Variants in AMMECR1L observed in about 807,000 individuals in gnomAD.
AMMECR1L encodes the protein AMMECR1-like protein.
A neutral mutation model predicts 36.8 loss-of-function variants in AMMECR1L; 4 were observed. That is an observed-to-expected ratio of 0.11 (90% CI 0.05 to 0.25). The LOEUF (loss-of-function observed/expected upper bound fraction) is 0.25. AMMECR1L is among the 10% of genes least tolerant of loss of function. The pLI is 1.00. For synonymous variants in AMMECR1L, 147 were observed against 148.0 expected, an observed-to-expected ratio of 0.99 and a Z score of 0.05; for missense variants, 232 against 392.1, an observed-to-expected ratio of 0.59 and a Z score of 3.45.
rs751977987 is a variant in AMMECR1L, at chr2:127,873,864, G to A, written c.371C>T (p.Pro124Leu). The A allele has an allele frequency of 1.2e-6, 2 of 1,614,162 alleles. No individual in the cohort carries two copies. Among genetic ancestry groups the A allele is most frequent in the Non-Finnish European group, 1.7e-6 (2 of 1,180,034 alleles). Residue 124 changes from proline to leucine, a missense_variant, in exon 3 of 8, where the codon CCA (proline) becomes CTA (leucine). Pro to Leu is a moderately conservative substitution (Grantham distance 98). Around this residue, in one of 3 missense-constraint regions of AMMECR1L, gnomAD observed 83 missense variants for 229.5 expected, o/e 0.36. Transcript: ENST00000272647. This position sits in a 1 kb window ranked among gnomAD's most constrained non-coding sequence, Gnocchi z 5.2. Reference sequence around the variant, plus strand: ...GGTGAATCTAGGAAGTCGTGGCTGTGGGAAGCCATAGAGGTGACAGTAGAG... The same window carrying A: ...GGTGAATCTAGGAAGTCGTGGCTGTAGGAAGCCATAGAGGTGACAGTAGAG... ...DVLYCHLYGF[P>L]QPRLPRFTND...
At chr2:127,867,378 T>C in intron 6 of AMMECR1L, 2 of 859,102 alleles carry the variant, frequency 2.3e-6, no homozygotes, top group Middle Eastern at 6.0e-4. Flanking sequence ...TTCTGCAACT[T>C]ATATTCCTTT....
chr2:127,872,690 G>C (rs1691041217), intron 3 of AMMECR1L, among the ~76,000 whole-genome samples: 1 of 152,104 alleles, frequency 6.6e-6, no homozygotes, highest in Non-Finnish European at 1.5e-5. Context: ...TTCAAGACAA[G>C]GCCTCCATTG....
chr2:127,880,773 TACACACACAC>T (rs56950354), intron 2 of AMMECR1L, among the ~76,000 whole-genome samples: 3 of 149,008 alleles, frequency 2.0e-5, no homozygotes, highest in South Asian at 2.2e-4. Context: ...ACATACAGTA[TACACACACAC>T]ACACACACAC....
chr2:127,878,530 C>T (rs1360875556), intron 2 of AMMECR1L, among the ~76,000 whole-genome samples: 1 of 152,252 alleles, frequency 6.6e-6, no homozygotes, highest in African/African-American at 2.4e-5. Flanking sequence ...CAGACATTCT[C>T]TTCCAGGTGG....
chr2:127,868,265 C>T (rs1690788770), intron 6 of AMMECR1L, among the ~76,000 whole-genome samples: 1 of 152,172 alleles, frequency 6.6e-6, no homozygotes, highest in Non-Finnish European at 1.5e-5. Context: ...ATTTTTCCAA[C>T]CAACTTTCAA....
At position 127,863,703 on chromosome 2, in the gene AMMECR1L, C is replaced by T. The variant is rs1243362853; in HGVS notation, c.*1391G>A. 1 of 152,640 alleles carries T rather than the reference C, an allele frequency of 6.6e-6. No individual in the cohort carries two copies. The highest frequency in any genetic ancestry group is 1.5e-5 in the Non-Finnish European group (1 of 68,038). 9.5% of individuals were successfully genotyped at this position (152,640 alleles called of 1,614,324 possible). A position where few individuals can be genotyped will look rare whatever the true frequency, so the allele number is the denominator to read the frequency against. On this transcript the variant is annotated 3_prime_UTR_variant, in exon 8 of 8. Transcript: ENST00000272647. ...TGTCACATCCTTAGGATCCTTCTTC[C>T]AACTGGCCACTCTCCCTGTGAATCA...
chr2:127,874,240 T>G lies in AMMECR1L; in HGVS notation c.-6A>C, dbSNP rs201727413. 57 of 1,613,928 alleles carry G rather than the reference T, an allele frequency of 3.5e-5. No homozygotes were observed. The highest frequency in any genetic ancestry group is 2.7e-5 in the Non-Finnish European group (32 of 1,179,984). On this transcript the variant is annotated 5_prime_UTR_variant, in exon 3 of 8. Transcript: ENST00000272647. The surrounding 1 kb of genome is among the most constrained non-coding windows in gnomAD (Gnocchi z 5.2). ...ACACAACGTCTTTTTCCCATCCTGATTCAGTGCTCAAGGTCTGGAATGCTG... is the reference window on the plus strand; with the variant it reads ...ACACAACGTCTTTTTCCCATCCTGAGTCAGTGCTCAAGGTCTGGAATGCTG...
Position 127,867,021 on chromosome 2 carries a change from A to T in AMMECR1L, c.725-25T>A, listed in dbSNP as rs199708077. 2.5e-4 allele frequency: 406 copies of T among 1,613,152 alleles called. 2 individuals carry two copies. Among genetic ancestry groups the T allele is most frequent in the Non-Finnish European group, 4.8e-5 (57 of 1,179,180 alleles). On this transcript the variant is annotated intron_variant, in intron 6 of 7. Transcript: ENST00000272647. ...TCTGGGGAGGAGAAAGGCCACACTGAGGTCAATGCACATGCAAGAGTAAGG... is the reference window on the plus strand; with the variant it reads ...TCTGGGGAGGAGAAAGGCCACACTGTGGTCAATGCACATGCAAGAGTAAGG...
rs1690564968 is a variant in AMMECR1L, at chr2:127,863,739, G to A, written c.*1355C>T. 2 of 152,638 alleles carry A rather than the reference G, an allele frequency of 1.3e-5. No individual in the cohort carries two copies. The highest frequency in any genetic ancestry group is 6.5e-5 in the Admixed American group (1 of 15,288). The allele number at this position is 152,638 out of a possible 1,614,324, so 9.5% of individuals were successfully genotyped here. ...TCTCCCTGTGAATCATTTTAGCAGT[G>A]CCTTTGTAACAATATTTTCAAAGCA... is the stretch of plus-strand genomic sequence containing the variant. On this transcript the variant is annotated 3_prime_UTR_variant, in exon 8 of 8. Transcript: ENST00000272647.
Position 127,865,013 on chromosome 2 carries a change from C to A in AMMECR1L, c.*81G>T. 1.1e-6 allele frequency: 1 copy of A among 929,996 alleles called. No homozygotes were observed. Among genetic ancestry groups the A allele is most frequent in the East Asian group, 2.6e-5 (1 of 38,960 alleles). The allele number at this position is 929,996 out of a possible 1,614,324, so 57.6% of individuals were successfully genotyped here. On this transcript the variant is annotated 3_prime_UTR_variant, in exon 8 of 8. Transcript: ENST00000272647. This position sits in a 1 kb window ranked among gnomAD's most constrained non-coding sequence, Gnocchi z 5.4. ...GGTGCAGTAATAGAAGTAACTGGAC[C>A]AGGAAGAGGAGGCATCTGCTCCAAT... is the stretch of plus-strand genomic sequence containing the variant.
At chr2:127,885,549 G>A (rs1691731939) in intron 1 of AMMECR1L, 8 of 982,258 alleles carry the variant, frequency 8.1e-6, no homozygotes, top group South Asian at 4.7e-5. Context: ...CTCGCGGCCC[G>A]GGGCACGGCG....
Position 127,873,869 on chromosome 2 carries a change from G to A in AMMECR1L, c.366C>T (p.Gly122=). ...ATCTAGGAAGTCGTGGCTGTGGGAA[G>A]CCATAGAGGTGACAGTAGAGTACGT... ...CFDVLYCHLY[G]FPQPRLPRFT... Residue 122 remains glycine (G), a synonymous_variant, in exon 3 of 8, where the codon GGC becomes GGT. Coordinates refer to ENST00000272647, the MANE Select transcript of AMMECR1L (RefSeq NM_001199140.2). This position sits in a 1 kb window ranked among gnomAD's most constrained non-coding sequence, Gnocchi z 5.2. The A allele has an allele frequency of 6.2e-7, 1 of 1,614,204 alleles. No individual in the cohort carries two copies.
intron 6 of AMMECR1L, 60 bp from the exon 7 acceptor site, chr2:127,867,056 A>C (rs1573536439): frequency 1.2e-6 from 2 of 1,607,004 alleles, no homozygotes; most frequent in East Asian, 2.2e-5. Flanking sequence ...GCATGCTCTC[A>C]CATGGCCCGT....
In AMMECR1L at chr2:127,865,070, T is replaced by G. The variant is rs1573532939; in HGVS notation, c.*24A>C. The G allele has an allele frequency of 6.4e-7, 1 of 1,570,372 alleles. No individual in the cohort carries two copies. Among genetic ancestry groups the G allele is most frequent in the Non-Finnish European group, 8.7e-7 (1 of 1,144,634 alleles). On this transcript the variant is annotated 3_prime_UTR_variant, in exon 8 of 8. Coordinates refer to ENST00000272647, the MANE Select transcript of AMMECR1L (RefSeq NM_001199140.2). The surrounding 1 kb of genome is among the most constrained non-coding windows in gnomAD (Gnocchi z 5.4). ...ATAGCCATTGGTGGCCACGGGGGGG[T>G]GGGACTGGTCATGCAGCCGTGTGTC... is the stretch of plus-strand genomic sequence containing the variant.
In AMMECR1L at chr2:127,873,850, G is replaced by T; in HGVS notation, c.385C>A (p.Pro129Thr). Residue 129 changes from proline (P) to threonine (T), a missense_variant, in exon 3 of 8, where the codon CCT becomes ACT. Coordinates refer to ENST00000272647, the MANE Select transcript of AMMECR1L (RefSeq NM_001199140.2). The surrounding 1 kb of genome is among the most constrained non-coding windows in gnomAD (Gnocchi z 5.2). ...CACTAGGGGTCATTGGTGAATCTAG[G>T]AAGTCGTGGCTGTGGGAAGCCATAG... ...HLYGFPQPRL[P>T]RFTNDPYPLF... The T allele has an allele frequency of 6.2e-7, 1 of 1,614,170 alleles. No homozygotes were observed. Among genetic ancestry groups the T allele is most frequent in the Non-Finnish European group, 8.5e-7 (1 of 1,180,042 alleles).
chr2:127,876,080 G>A (rs1343568204), intron 2 of AMMECR1L, among the ~76,000 whole-genome samples: 2 of 146,702 alleles, frequency 1.4e-5, no homozygotes, highest in African/African-American at 5.0e-5. Flanking sequence ...TGGACACAGT[G>A]GCTCATATCT....
At chr2:127,866,034 TTTG>T (rs1383284439) in intron 7 of AMMECR1L, among the ~76,000 whole-genome samples, 1 of 152,248 alleles carries the variant, frequency 6.6e-6, no homozygotes, top group East Asian at 1.9e-4. Context: ...TGAAGAGTTT[TTTG>T]TTGTTTTTTA....
At position 127,866,416 on chromosome 2, in the gene AMMECR1L, A is replaced by C. The variant is rs1690685569; in HGVS notation, c.821+484T>G. On this transcript the variant is annotated intron_variant, in intron 7 of 7. Transcript: ENST00000272647. ...CATGTTGAGCTGGGATTCCAACTCC[A>C]AGTCCATCTGCATTCTACTACACTA... Among the ~76,000 whole-genome samples, 2 of 152,230 alleles carry C rather than the reference A, an allele frequency of 1.3e-5. 1 individual carries two copies. Among genetic ancestry groups the C allele is most frequent in the East Asian group, 3.8e-4 (2 of 5,200 alleles).
At chr2:127,883,049 T>C (rs1244440260) in intron 2 of AMMECR1L, among the ~76,000 whole-genome samples, 2 of 151,900 alleles carry the variant, frequency 1.3e-5, no homozygotes, top group African/African-American at 2.4e-5. Context: ...CTGGCAACAA[T>C]TGTTTTTAAG....
Sources: allele counts gnomAD v4.1 joint callset (sites outside exome capture counted in the v4.1 genomes callset), GRCh38; gene constraint gnomAD v4.1.1; regional missense constraint gnomAD v4.1.1; non-coding constraint Gnocchi (gnomAD v3.1); transcripts MANE v1.5; gene names NCBI Gene and HGNC (gene_info 2026-07-23, HGNC 2026-07-21).